Variants in USP42 observed in about 807,000 individuals in gnomAD.
The protein encoded by USP42 is ubiquitin specific peptidase 42.
In USP42, 23 loss-of-function variants were observed where a neutral mutation model predicts 113.0. That is an observed-to-expected ratio of 0.20 (90% CI 0.15 to 0.29). The LOEUF (loss-of-function observed/expected upper bound fraction) is 0.29, where lower values mean the gene tolerates loss of function less well. USP42 is among the 10% of genes least tolerant of loss of function. USP42 has a pLI of 1.00. For missense variants in USP42, 2,174 were observed against 1,779.8 expected, an observed-to-expected ratio of 1.22 and a Z score of -3.99; for synonymous variants, 933 against 699.0, an observed-to-expected ratio of 1.33 and a Z score of -5.28.
chr7:6,086,877 C>G, the USP42 span, among the ~76,000 whole-genome samples: 1 of 150,378 alleles, frequency 6.6e-6, no homozygotes, highest in Non-Finnish European at 1.5e-5. Flanking sequence ...AGGCGTCTGC[C>G]ACCATACCTG....
At chr7:6,147,384 C>T (rs1175520366) in intron 11 of USP42, among the ~76,000 whole-genome samples, 1 of 152,146 alleles carries the variant, frequency 6.6e-6, no homozygotes, top group African/African-American at 2.4e-5. Flanking sequence ...GGCAAGGCCA[C>T]AGTGAGCAAT....
At position 6,159,599 on chromosome 7, in the gene USP42, G is replaced by A; in HGVS notation, c.*36+106G>A. ...CTCTGCCTGGGGGCTGGGCTCATAG[G>A]AGTTGGCAGAGCCATGGAGAGGCCC... On this transcript the variant is annotated intron_variant, in intron 17 of 17. Coordinates refer to ENST00000306177, the MANE Select transcript of USP42 (RefSeq NM_032172.3). The surrounding 1 kb of genome is among the most constrained non-coding windows in gnomAD (Gnocchi z 4.1). 2 of 1,194,108 alleles carry A rather than the reference G, an allele frequency of 1.7e-6. No homozygotes were observed. The highest frequency in any genetic ancestry group is 1.2e-6 in the Non-Finnish European group (1 of 836,024). The allele number at this position is 1,194,108 out of a possible 1,614,324, so 74.0% of individuals were successfully genotyped here. A position where few individuals can be genotyped will look rare whatever the true frequency, so the allele number is the denominator to read the frequency against.
Position 6,154,013 on chromosome 7 carries a change from A to G in USP42, c.2459A>G (p.Asp820Gly). 6.2e-7 allele frequency: 1 copy of G among 1,603,914 alleles called. No individual in the cohort carries two copies. Among genetic ancestry groups the G allele is most frequent in the Non-Finnish European group, 8.5e-7 (1 of 1,179,046 alleles). ...VGDTAPPDLC[D>G]PGSLTGDASP... ...GACACAGCACCCCCTGACCTGTGTG[A>G]TCCCGGGAGCTTAACAGGCGATGCG... Residue 820 changes from aspartate to glycine, a missense_variant, in exon 15 of 18, where the codon GAT becomes GGT. Transcript: ENST00000306177.
At chr7:6,117,505 A>G (rs1409314302) in intron 3 of USP42, among the ~76,000 whole-genome samples, 2 of 152,230 alleles carry the variant, frequency 1.3e-5, no homozygotes, top group African/African-American at 2.4e-5. Flanking sequence ...TGCTATGAAC[A>G]TTAGCAAACA....
In USP42 at chr7:6,154,563, C is replaced by A. The variant is rs773607140; in HGVS notation, c.3009C>A (p.Gly1003=). 1.0e-5 allele frequency: 16 copies of A among 1,553,446 alleles called. No homozygotes were observed. The African/African-American group carries it at 1.5e-4, about 15-fold the overall frequency. The part of the protein sequence containing the change: ...RHAPEHHPGH[G]DRLSPGERRS... ...CCCCGGAGCACCACCCCGGCCACGGCGACAGGCTCAGCCCTGGCGAGCGCC... is the reference window on the plus strand; with the variant it reads ...CCCCGGAGCACCACCCCGGCCACGGAGACAGGCTCAGCCCTGGCGAGCGCC... The change falls in exon 15 of 18, where the codon GGC becomes GGA. Residue 1003 remains glycine, a synonymous_variant. Transcript: ENST00000306177.
chr7:6,087,382 T>G, the USP42 span, among the ~76,000 whole-genome samples: 49,649 of 141,972 alleles, frequency 0.35, 9,265 homozygotes, highest in East Asian at 0.47. Flanking sequence ...TCTCACTCTG[T>G]TGTCCAGACT....
At chr7:6,149,530 T>G in intron 12 of USP42, 53 bp from the exon 13 acceptor site, 3 of 1,549,228 alleles carry the variant, frequency 1.9e-6, no homozygotes, top group South Asian at 1.3e-5. Flanking sequence ...TGGGTTCTGT[T>G]TGTGTGACCA....
intron 3 of USP42, among the ~76,000 whole-genome samples, chr7:6,133,705 A>G (rs1037808342): frequency 1.3e-5 from 2 of 151,892 alleles, no homozygotes; most frequent in Non-Finnish European, 2.9e-5. Flanking sequence ...TTTTTAGTAG[A>G]GATGGGGTTT....
rs62454272 is a variant in USP42, at chr7:6,139,006, A to G, written c.554-86A>G. 7,100 of 824,978 alleles carry G rather than the reference A, an allele frequency of 8.6e-3. 47 individuals carry two copies. The highest frequency in any genetic ancestry group is 0.011 in the Non-Finnish European group (5,934 of 535,874). 51.1% of individuals were successfully genotyped at this position (824,978 alleles called of 1,614,324 possible). ...AGTATTTGGGAGTTTTCCAACCAAC[A>G]TATTATTATAAGATATATTTTGGGG... On this transcript the variant is annotated intron_variant, in intron 4 of 17. Coordinates refer to ENST00000306177, the MANE Select transcript of USP42 (RefSeq NM_032172.3). The surrounding 1 kb of genome is among the most constrained non-coding windows in gnomAD (Gnocchi z 4.5).
chr7:6,152,446 G>T (rs1782124940), intron 14 of USP42, among the ~76,000 whole-genome samples: 1 of 152,234 alleles, frequency 6.6e-6, no homozygotes, highest in Admixed American at 6.5e-5. Context: ...CACCTGTGGG[G>T]GTGCTGTTCA....
intron 3 of USP42, among the ~76,000 whole-genome samples, chr7:6,119,342 C>G (rs770811920): frequency 3.1e-4 from 47 of 152,098 alleles, no homozygotes; most frequent in Non-Finnish European, 6.3e-4. Context: ...GGTGTGGCGG[C>G]AAGCGCTAGT....
intron 3 of USP42, among the ~76,000 whole-genome samples, chr7:6,134,783 C>G: frequency 6.6e-6 from 1 of 152,144 alleles, no homozygotes; most frequent in African/African-American, 2.4e-5. Flanking sequence ...TTTCTTTTTT[C>G]TTTTCTTTCT....
At chr7:6,114,884 G>T (rs1240563109) in intron 2 of USP42, among the ~76,000 whole-genome samples, 1 of 150,970 alleles carries the variant, frequency 6.6e-6, no homozygotes, top group Non-Finnish European at 1.5e-5. Context: ...TAGAGACGGG[G>T]TTTCACCTTG....
intron 9 of USP42, among the ~76,000 whole-genome samples, chr7:6,144,529 CTAAA>C (rs1263967945): frequency 6.6e-6 from 1 of 152,116 alleles, no homozygotes; most frequent in Admixed American, 6.6e-5. Flanking sequence ...TGGTCAAAAA[CTAAA>C]TAGCATGCAA....
intron 3 of USP42, among the ~76,000 whole-genome samples, chr7:6,129,938 T>A (rs1304407210): frequency 1.3e-5 from 2 of 152,104 alleles, no homozygotes; most frequent in Non-Finnish European, 2.9e-5. Context: ...TTTGAGAAAT[T>A]CTTAGTTCTC....
At chr7:6,123,992 CGGTCTCCTAA>C (rs1373849149) in intron 3 of USP42, among the ~76,000 whole-genome samples, 1 of 152,120 alleles carries the variant, frequency 6.6e-6, no homozygotes, top group Non-Finnish European at 1.5e-5. Context: ...CCTCCTGCCT[CGGTCTCCTAA>C]GTAGCTGGGA....
rs780691695 is a variant in USP42, at chr7:6,144,184, A to T, written c.978A>T (p.Gly326=). 2 of 1,586,900 alleles carry T rather than the reference A, an allele frequency of 1.3e-6. No homozygotes were observed. Among genetic ancestry groups the T allele is most frequent in the Admixed American group, 1.8e-5 (1 of 54,776 alleles). The change falls in exon 9 of 18, where the codon GGA becomes GGT. Residue 326 remains glycine, a synonymous_variant. Coordinates refer to ENST00000306177, the MANE Select transcript of USP42 (RefSeq NM_032172.3). Reference sequence around the variant, plus strand: ...AACGTTTTGCAAATTTTACCGGTGGAAAAATTGCTAAGGTATGTGGATGAT... The same window carrying T: ...AACGTTTTGCAAATTTTACCGGTGGTAAAATTGCTAAGGTATGTGGATGAT... ...SLKRFANFTG[G]KIAKDVKYPE...
rs1362554480 is a variant in USP42 at position 6,139,077 on chromosome 7, A to T, written c.554-15A>T. ...CGTGTAATGATAAAGCCTTGTCTTT[A>T]CCGAAATTTTACAGGTATAGCTAGG... On this transcript the variant is annotated splice_polypyrimidine_tract_variant and intron_variant, in intron 4 of 17. Coordinates refer to ENST00000306177, the MANE Select transcript of USP42 (RefSeq NM_032172.3). This position sits in a 1 kb window ranked among gnomAD's most constrained non-coding sequence, Gnocchi z 4.5. The T allele has an allele frequency of 2.5e-6, 4 of 1,579,770 alleles. No individual in the cohort carries two copies. The highest frequency in any genetic ancestry group is 1.8e-5 in the Admixed American group (1 of 55,760).
In USP42 at chr7:6,156,841, T is replaced by C; in HGVS notation, c.3729T>C (p.His1243=). 1 of 1,609,508 alleles carries C rather than the reference T, an allele frequency of 6.2e-7. No homozygotes were observed. The highest frequency in any genetic ancestry group is 8.5e-7 in the Non-Finnish European group (1 of 1,178,858). ...HKKKKKKKKR[H]SRKSEDFVKD... ...AAAAGAAGAAGAAAAAGAAGAGACA[T>C]TCAAGAAAATCAGAGGACTTTGTTA... Residue 1243 remains histidine (H), a synonymous_variant, in exon 16 of 18, where the codon CAT becomes CAC. Coordinates refer to ENST00000306177, the MANE Select transcript of USP42 (RefSeq NM_032172.3).
Sources: allele counts gnomAD v4.1 joint callset (sites outside exome capture counted in the v4.1 genomes callset), GRCh38; gene constraint gnomAD v4.1.1; non-coding constraint Gnocchi (gnomAD v3.1); transcripts MANE v1.5; gene names NCBI Gene and HGNC (gene_info 2026-07-23, HGNC 2026-07-21).